Variants in KREMEN1 observed in about 807,000 individuals in gnomAD.
KREMEN1 encodes the protein kremen protein 1.
A neutral mutation model predicts 46.5 loss-of-function variants in KREMEN1; 30 were observed. The ratio of observed to expected loss-of-function variants is 0.65; its 90% confidence interval spans 0.48 to 0.88. The LOEUF is 0.88. KREMEN1 is among the 40% of genes least tolerant of loss of function. KREMEN1 has a pLI of 0.00. For missense variants in KREMEN1, 533 were observed against 596.9 expected (o/e 0.89, Z 1.11); for synonymous variants, 214 against 230.6 (o/e 0.93, Z 0.65).
chr22:29,167,240 T>A, exon 10 of KREMEN1: 1 of 738,478 alleles, frequency 1.4e-6, no homozygotes, highest in Non-Finnish European at 2.3e-6. Flanking sequence ...ATGCCTGTAA[T>A]ACCAGCGTTT....
rs780620067 is a variant in KREMEN1, at chr22:29,138,780, C to A, written c.1121C>A (p.Pro374Gln). 1 of 1,614,228 alleles carries A rather than the reference C, an allele frequency of 6.2e-7. No homozygotes were observed. The highest frequency in any genetic ancestry group is 1.1e-5 in the South Asian group (1 of 91,088). Residue 374 changes from proline to glutamine, a missense_variant and splice_region_variant, in exon 7 of 9, where the codon CCA becomes CAA. By Grantham distance (76) the Pro-to-Gln change is moderately conservative (BLOSUM62 -1). Coordinates refer to ENST00000400335, the MANE Select transcript of KREMEN1 (RefSeq NM_001039570.3). ...CCCAGCCACCCACCTCAGACTGTCCCAGGTAGCAATTCCTGGGCGCCACCC... is the reference window on the plus strand; with the variant it reads ...CCCAGCCACCCACCTCAGACTGTCCAAGGTAGCAATTCCTGGGCGCCACCC... The part of the protein sequence containing the change: ...TSPSHPPQTV[P>Q]GWTVYGLATL...
Position 29,142,108 on chromosome 22 carries a change from A to T in KREMEN1, c.1373A>T (p.Asp458Val). 1 of 1,596,516 alleles carries T rather than the reference A, an allele frequency of 6.3e-7. No individual in the cohort carries two copies. The highest frequency in any genetic ancestry group is 8.5e-7 in the Non-Finnish European group (1 of 1,172,190). ...GATGACCGCAATCCCCTTGTGAGTG[A>T]CTAAAAACCCCACTGTGCCTAGGAC... ...QQDDRNPLVSD is the reference protein window; with the variant it reads ...QQDDRNPLVSV The change falls in exon 9 of 9, where the codon GAC becomes GTC. Residue 458 changes from aspartate (D) to valine (V), a missense_variant. Transcript: ENST00000400335.
rs1458202671 is a variant in KREMEN1 at position 29,145,635 on chromosome 22, G to T, written c.*3523G>T. The T allele has an allele frequency of 4.1e-6, 4 of 985,436 alleles. No homozygotes were observed. Among genetic ancestry groups the T allele is most frequent in the Non-Finnish European group, 4.8e-6 (4 of 830,028 alleles). The allele number at this position is 985,436 out of a possible 1,614,324, so 61.0% of individuals were successfully genotyped here. A position where few individuals can be genotyped will look rare whatever the true frequency, so the allele number is the denominator to read the frequency against. ...GCAGGCGGGAGGCACACGGTGCCCT[G>T]TTCTTCCCCGTTTGTCCAGTTGCTT... On this transcript the variant is annotated 3_prime_UTR_variant, in exon 9 of 9. Coordinates refer to ENST00000400335, the MANE Select transcript of KREMEN1 (RefSeq NM_001039570.3).
chr22:29,111,502 T>C (rs1216115387), intron 3 of KREMEN1: 3 of 148,910 alleles, frequency 2.0e-5, no homozygotes, highest in African/African-American at 7.5e-5. Flanking sequence ...TAGTCCCAGC[T>C]ACGCGGGAGG....
Position 29,145,714 on chromosome 22 carries a change from C to T in KREMEN1, c.*3602C>T, listed in dbSNP as rs1363422659. The T allele has an allele frequency of 4.1e-6, 4 of 985,428 alleles. No homozygotes were observed. The African/African-American group carries it at 5.2e-5, about 13-fold the overall frequency. The allele number at this position is 985,428 out of a possible 1,614,324, so 61.0% of individuals were successfully genotyped here. On this transcript the variant is annotated 3_prime_UTR_variant, in exon 9 of 9. Coordinates refer to ENST00000400335, the MANE Select transcript of KREMEN1 (RefSeq NM_001039570.3). ...CCGAGTGACTTCACCCGCCCTGTCC[C>T]CCACGTCAGGACAGGCTTGAGGCCT... is the stretch of plus-strand genomic sequence containing the variant.
At chr22:29,167,964 G>A (rs576544071) in exon 10 of KREMEN1, 1 of 152,388 alleles carries the variant, frequency 6.6e-6, no homozygotes, top group African/African-American at 2.4e-5. Context: ...TGTACCTGGT[G>A]GATGGCCCAC....
At position 29,142,686 on chromosome 22, in the gene KREMEN1, C is replaced by G; in HGVS notation, c.*574C>G. On this transcript the variant is annotated 3_prime_UTR_variant, in exon 9 of 9. Coordinates refer to ENST00000400335, the MANE Select transcript of KREMEN1 (RefSeq NM_001039570.3). ...TGTGCTGCCCCGGCAGCTTTGCTCTCCAGATGCTGGACTAGGGTGGGCCTC... is the reference window on the plus strand; with the variant it reads ...TGTGCTGCCCCGGCAGCTTTGCTCTGCAGATGCTGGACTAGGGTGGGCCTC... 1 of 985,526 alleles carries G rather than the reference C, an allele frequency of 1.0e-6. No individual in the cohort carries two copies. The allele number at this position is 985,526 out of a possible 1,614,324, so 61.0% of individuals were successfully genotyped here.
rs1223391619 is a variant in KREMEN1 at position 29,145,206 on chromosome 22, A to AG, written c.*3096dup. 1 of 985,596 alleles carries AG rather than the reference A, an allele frequency of 1.0e-6. No homozygotes were observed. The highest frequency in any genetic ancestry group is 1.7e-5 in the African/African-American group (1 of 57,242). 61.1% of individuals were successfully genotyped at this position (985,596 alleles called of 1,614,324 possible). On this transcript the variant is annotated 3_prime_UTR_variant, in exon 9 of 9. Transcript: ENST00000400335. The stretch of plus-strand genomic sequence containing the variant: ...ATGACGTGGGCTTCCAGGAGCATGG[A>AG]GGAGGTGGCACTTGAACTTTTAGGA...
chr22:29,117,382 A>G (rs896614092), intron 3 of KREMEN1, among the ~76,000 whole-genome samples: 1 of 152,174 alleles, frequency 6.6e-6, no homozygotes, highest in East Asian at 1.9e-4. Flanking sequence ...CCTGGCTAAC[A>G]TGGTGAAACC....
intron 7 of KREMEN1, 78 bp downstream of exon 7, chr22:29,138,860 A>G (rs1569335387): frequency 6.2e-7 from 1 of 1,601,960 alleles, no homozygotes; most frequent in African/African-American, 1.3e-5. Flanking sequence ...TTATAAAGAC[A>G]AAAGCACTTG....
At chr22:29,159,490 A>G (rs2038992396) in intron 9 of KREMEN1, among the ~76,000 whole-genome samples, 1 of 151,964 alleles carries the variant, frequency 6.6e-6, no homozygotes, top group African/African-American at 2.4e-5. Flanking sequence ...GTGGTGGCGC[A>G]CGCCTGTAAT....
intron 5 of KREMEN1, among the ~76,000 whole-genome samples, chr22:29,126,886 G>C (rs974127584): frequency 1.3e-5 from 2 of 152,188 alleles, no homozygotes; most frequent in African/African-American, 4.8e-5. Context: ...TGCTTAGTTT[G>C]ATACCTTTGT....
chr22:29,152,461 C>T (rs896721118), intron 9 of KREMEN1, among the ~76,000 whole-genome samples: 2 of 152,234 alleles, frequency 1.3e-5, no homozygotes. Context: ...AAAATCACTT[C>T]CCTTTCCCAT....
At chr22:29,124,049 A>G (rs1230806760) in intron 4 of KREMEN1, among the ~76,000 whole-genome samples, 1 of 152,178 alleles carries the variant, frequency 6.6e-6, no homozygotes, top group Non-Finnish European at 1.5e-5. Context: ...CATCTACCAT[A>G]TGACCTAGTA....
At chr22:29,124,221 A>G (rs2038403815) in intron 4 of KREMEN1, among the ~76,000 whole-genome samples, 1 of 152,234 alleles carries the variant, frequency 6.6e-6, no homozygotes, top group Non-Finnish European at 1.5e-5. Context: ...TCTGCTCAGC[A>G]ATAAGAAGGA....
At chr22:29,088,659 A>G (rs1279422413) in intron 1 of KREMEN1, among the ~76,000 whole-genome samples, 1 of 152,234 alleles carries the variant, frequency 6.6e-6, no homozygotes, top group East Asian at 1.9e-4. Context: ...CATGATGCTT[A>G]TAATATTTCT....
intron 7 of KREMEN1, 22 bp from the exon 8 acceptor site, chr22:29,140,260 G>C: frequency 1.9e-6 from 3 of 1,602,170 alleles, no homozygotes; most frequent in Non-Finnish European, 2.6e-6. Context: ...AGTCTGGTAA[G>C]CTCTGTCTTT....
chr22:29,094,163 A>G, intron 1 of KREMEN1, 95 bp from the exon 2 acceptor site: 3 of 1,022,960 alleles, frequency 2.9e-6, no homozygotes, highest in Non-Finnish European at 2.9e-6. Flanking sequence ...ATCCATTTCC[A>G]GCTTGGTCCA....
Position 29,098,888 on chromosome 22 carries a change from G to A in KREMEN1, c.287G>A (p.Trp96Ter). The stretch of plus-strand genomic sequence containing the variant: ...AATCCAGATGGAGACGTGAGCCCCT[G>A]GTGCTATGTGGCAGAGCACGAGGAT... ...CRNPDGDVSPWCYVAEHEDGV... is the reference protein window; with the variant it reads ...CRNPDGDVSP Residue 96 changes from tryptophan (W) to a stop codon, truncating the protein, a stop_gained, in exon 3 of 9, where the codon TGG (tryptophan) becomes TAG (stop). Transcript: ENST00000400335. LOFTEE classifies it high-confidence loss of function. The A allele has an allele frequency of 6.2e-7, 1 of 1,614,048 alleles. No individual in the cohort carries two copies.
Sources: allele counts gnomAD v4.1 joint callset (sites outside exome capture counted in the v4.1 genomes callset), GRCh38; gene constraint gnomAD v4.1.1; transcripts MANE v1.5; gene names NCBI Gene and HGNC (gene_info 2026-07-23, HGNC 2026-07-21).